ST7: variants seen among roughly 807,000 people sequenced by gnomAD.
ST7 encodes suppression of tumorigenicity 7.
ST7 carries 28 observed loss-of-function variants against 78.7 expected under a neutral mutation model. That is an observed-to-expected ratio of 0.36 (90% confidence interval 0.26 to 0.49). ST7 has a LOEUF of 0.49. Among genes scored for constraint, ST7 ranks in the 20% least tolerant of loss-of-function variants. The pLI, the probability that ST7 is intolerant of heterozygous loss-of-function variation, is 0.99. For synonymous variants in ST7, 247 were observed against 249.6 expected, an observed-to-expected ratio of 0.99 and a Z score of 0.10; for missense variants, 418 against 696.0, an observed-to-expected ratio of 0.60 and a Z score of 4.49.
At position 117,190,990 on chromosome 7, in the gene ST7, A is replaced by G; in HGVS notation, c.1254+54A>G. On this transcript the variant is annotated intron_variant, in intron 12 of 15. Coordinates refer to ENST00000323984, the MANE Select transcript of ST7 (RefSeq NM_001369598.1). The surrounding 1 kb of genome is among the most constrained non-coding windows in gnomAD (Gnocchi z 5.2). ...CGTTATGATAGCAGAGAAAGCATTC[A>G]TTGACCACAGTGTTGTATCTCAAGT... The G allele has an allele frequency of 7.2e-7, 1 of 1,398,448 alleles. No individual in the cohort carries two copies. The highest frequency in any genetic ancestry group is 1.0e-6 in the Non-Finnish European group (1 of 984,514). The allele number at this position is 1,398,448 out of a possible 1,614,324, so 86.6% of individuals were successfully genotyped here. A position where few individuals can be genotyped will look rare whatever the true frequency, so the allele number is the denominator to read the frequency against.
At chr7:117,146,710 A>C (rs974726362) in intron 9 of ST7, among the ~76,000 whole-genome samples, 2 of 152,216 alleles carry the variant, frequency 1.3e-5, no homozygotes, top group African/African-American at 4.8e-5. Flanking sequence ...TACAAGAAAA[A>C]AGAGAAGTCA....
intron 1 of ST7, among the ~76,000 whole-genome samples, chr7:117,048,838 GAC>G (rs1294521930): frequency 6.6e-6 from 1 of 151,968 alleles, no homozygotes; most frequent in Non-Finnish European, 1.5e-5. Flanking sequence ...TCATAGCACT[GAC>G]AGTCCTTTCC....
rs370453604 is a variant in ST7, at chr7:117,208,372, C to T, written c.1255-1415C>T. ...GTATGGCTTTCTATCCTACCTCCTC[C>T]CAAGTGTGACGACCGTTATCAGTGT... On this transcript the variant is annotated intron_variant, in intron 12 of 15. Transcript: ENST00000323984. Among the ~76,000 whole-genome samples, 15 of 152,244 alleles carry T rather than the reference C, an allele frequency of 9.9e-5. No homozygotes were observed. The East Asian group carries it at 2.3e-3, about 24-fold the overall frequency.
At chr7:116,985,178 A>G (rs75770462) in intron 1 of ST7, among the ~76,000 whole-genome samples, 4,532 of 152,260 alleles carry the variant, frequency 0.03, 134 homozygotes, top group East Asian at 0.13. Context: ...GTAGGATTTG[A>G]TGAAAATTTA....
chr7:117,206,340 T>C (rs73714393), intron 12 of ST7, among the ~76,000 whole-genome samples: 81 of 152,288 alleles, frequency 5.3e-4, no homozygotes, highest in African/African-American at 1.6e-3. Flanking sequence ...AAAAAAATAT[T>C]ACCTTGATGT....
chr7:117,126,737 A>G (rs1444292955), intron 3 of ST7, among the ~76,000 whole-genome samples: 1 of 151,908 alleles, frequency 6.6e-6, no homozygotes, highest in Non-Finnish European at 1.5e-5. Flanking sequence ...GAGGGCTGAA[A>G]AAAAAGGATT....
At chr7:117,222,943 TC>T in intron 15 of ST7, 2 of 1,613,984 alleles carry the variant, frequency 1.2e-6, no homozygotes, top group Non-Finnish European at 1.7e-6. Flanking sequence ...GAACTGGAAA[TC>T]CCTCCGGCAC....
At chr7:116,983,718 C>A (rs2116341301) in intron 1 of ST7, among the ~76,000 whole-genome samples, 1 of 152,240 alleles carries the variant, frequency 6.6e-6, no homozygotes, top group Non-Finnish European at 1.5e-5. Context: ...TCTGTCTTCA[C>A]CCAAGCATAG....
intron 1 of ST7, among the ~76,000 whole-genome samples, chr7:117,096,028 A>G (rs966414383): frequency 3.8e-5 from 5 of 131,912 alleles, no homozygotes; most frequent in African/African-American, 1.4e-4. Context: ...AGATTGTGCC[A>G]CTGCACTCCA....
chr7:116,995,904 A>G (rs985739350), intron 1 of ST7, among the ~76,000 whole-genome samples: 6 of 152,188 alleles, frequency 3.9e-5, no homozygotes, highest in Admixed American at 1.3e-4. Flanking sequence ...GAAAAGACAC[A>G]TGTTTGAGCT....
At chr7:117,131,163 C>T (rs963386395) in intron 5 of ST7, among the ~76,000 whole-genome samples, 2 of 151,350 alleles carry the variant, frequency 1.3e-5, no homozygotes, top group African/African-American at 4.9e-5. Flanking sequence ...AAAATTTATT[C>T]AAAGTAAATA....
intron 1 of ST7, among the ~76,000 whole-genome samples, chr7:117,061,797 G>C (rs1305461550): frequency 6.6e-6 from 1 of 152,154 alleles, no homozygotes; most frequent in South Asian, 2.1e-4. Flanking sequence ...TATTTATATT[G>C]GTTGTCACTT....
chr7:117,132,068 ATTATTT>A, intron 6 of ST7, 108 bp downstream of exon 6: 1 of 1,125,736 alleles, frequency 8.9e-7, no homozygotes, highest in Non-Finnish European at 1.3e-6. Flanking sequence ...GAACTGGAGG[ATTATTT>A]GGGGAGTTAT....
chr7:117,229,821 C>T lies in ST7; in HGVS notation c.1698C>T (p.Leu566=). 4.3e-6 allele frequency: 7 copies of T among 1,614,120 alleles called. No individual in the cohort carries two copies. Among genetic ancestry groups the T allele is most frequent in the Non-Finnish European group, 5.9e-6 (7 of 1,180,036 alleles). Residue 566 remains leucine (L), a synonymous_variant, in exon 16 of 16, where the codon CTC becomes CTT. Transcript: ENST00000323984. ...NFVMEKVESI[L]PSSLWHQLTR... The stretch of plus-strand genomic sequence containing the variant: ...TCATGGAGAAAGTGGAGAGCATCCT[C>T]CCATCCAGTCTGTGGCACCAGCTAA...
intron 1 of ST7, among the ~76,000 whole-genome samples, chr7:117,005,056 A>G (rs1795100020): frequency 6.6e-6 from 1 of 152,104 alleles, no homozygotes; most frequent in Admixed American, 6.5e-5. Context: ...AGGCCTCTGT[A>G]TTTTGTTCCT....
chr7:117,037,801 C>T (rs1034622147), intron 1 of ST7, among the ~76,000 whole-genome samples: 2 of 152,096 alleles, frequency 1.3e-5, no homozygotes, highest in Non-Finnish European at 2.9e-5. Flanking sequence ...TCATCGCTTC[C>T]CAACCTGTAA....
chr7:116,957,384 AAG>A, intron 1 of ST7, among the ~76,000 whole-genome samples: 1 of 151,550 alleles, frequency 6.6e-6, no homozygotes, highest in Non-Finnish European at 1.5e-5. Context: ...TTTGTTTTTT[AAG>A]AGAGTCTTAG....
chr7:117,183,023 T>C (rs762798251), intron 10 of ST7, among the ~76,000 whole-genome samples: 5 of 152,192 alleles, frequency 3.3e-5, no homozygotes, highest in Non-Finnish European at 7.4e-5. Context: ...GGCAGAATGA[T>C]AAAAGGCAAG....
At chr7:117,073,898 G>A (rs1799155902) in intron 1 of ST7, 1 of 152,060 alleles carries the variant, frequency 6.6e-6, no homozygotes, top group Non-Finnish European at 1.5e-5. Flanking sequence ...GTGGAATGTT[G>A]AACATTTCTT....
Sources: gnomAD v4.1 joint callset for allele counts (sites outside exome capture counted in the v4.1 genomes callset) on GRCh38, gnomAD v4.1.1 for gene constraint, Gnocchi (gnomAD v3.1) non-coding constraint, MANE v1.5 for transcripts, NCBI Gene and HGNC (gene_info 2026-07-23, HGNC 2026-07-21) for gene names.